PIBF1: variants seen among roughly 807,000 people sequenced by gnomAD.
PIBF1 encodes the protein progesterone immunomodulatory binding factor 1.
PIBF1 carries 90 observed loss-of-function variants against 112.5 expected under a neutral mutation model. The ratio of observed to expected loss-of-function variants is 0.80; its 90% CI spans 0.67 to 0.95. The LOEUF (loss-of-function observed/expected upper bound fraction) is 0.95. Ranked by LOEUF, PIBF1 falls within the 40% of genes least tolerant of loss-of-function variation. PIBF1 has a pLI of 0.00. For synonymous variants in PIBF1, 301 were observed against 288.6 expected, an observed-to-expected ratio of 1.04 and a Z score of -0.44; for missense variants, 915 against 852.3, an observed-to-expected ratio of 1.07 and a Z score of -0.92.
At chr13:72,987,875 T>A (rs1207675184) in intron 16 of PIBF1, among the ~76,000 whole-genome samples, 37 of 122,954 alleles carry the variant, frequency 3.0e-4, no homozygotes, top group Middle Eastern at 4.3e-3. Flanking sequence ...TTTTTTTTTT[T>A]TTTTTTGAGG....
intron 2 of PIBF1, among the ~76,000 whole-genome samples, chr13:72,788,991 A>G (rs1016261440): frequency 2.0e-5 from 3 of 152,196 alleles, no homozygotes; most frequent in Admixed American, 1.3e-4. Context: ...AAGCAGGTCC[A>G]AGAACACTTT....
At chr13:72,854,878 G>C (rs968529428) in intron 10 of PIBF1, among the ~76,000 whole-genome samples, 4 of 151,476 alleles carry the variant, frequency 2.6e-5, no homozygotes, top group South Asian at 2.1e-4. Flanking sequence ...GGATATCAGA[G>C]AGAATGATAT....
At chr13:72,952,035 C>CTTTTTTTTTTTTTTTTTTTTTTT (rs67211238) in intron 14 of PIBF1, among the ~76,000 whole-genome samples, 5 of 123,000 alleles carry the variant, frequency 4.1e-5, no homozygotes, top group Non-Finnish European at 5.1e-5. Flanking sequence ...TTTCTTTTCT[C>CTTTTTTTTTTTTTTTTTTTTTTT]TTTTTTTTTT....
intron 11 of PIBF1, among the ~76,000 whole-genome samples, chr13:72,894,225 G>A (rs2040178745): frequency 6.6e-6 from 1 of 152,024 alleles, no homozygotes; most frequent in Admixed American, 6.6e-5. Flanking sequence ...AGTGCAGAAT[G>A]TATACGAAGA....
At chr13:72,970,195 A>G (rs2042852381) in intron 15 of PIBF1, among the ~76,000 whole-genome samples, 3 of 152,204 alleles carry the variant, frequency 2.0e-5, no homozygotes, top group African/African-American at 7.2e-5. Flanking sequence ...AATATTCACT[A>G]AAATGAAATC....
intron 7 of PIBF1, 96 bp from the exon 8 acceptor site, chr13:72,827,637 G>A: frequency 4.2e-6 from 3 of 719,348 alleles, no homozygotes; most frequent in Non-Finnish European, 6.3e-6. Context: ...ATTTTCATGT[G>A]GTGAATGAAA....
At chr13:72,896,077 A>G (rs2040270811) in intron 11 of PIBF1, among the ~76,000 whole-genome samples, 1 of 152,134 alleles carries the variant, frequency 6.6e-6, no homozygotes, top group South Asian at 2.1e-4. Context: ...CTCCACCAGA[A>G]TAGGTGCTGG....
chr13:72,797,811 ATTTATC>A (rs958550981), intron 4 of PIBF1, 90 bp from the exon 5 acceptor site: 7 of 881,918 alleles, frequency 7.9e-6, no homozygotes, highest in African/African-American at 1.7e-5. Flanking sequence ...TTTTGTAAAT[ATTTATC>A]TTTATTACTG....
chr13:72,996,094 G>T (rs961415426), intron 16 of PIBF1, among the ~76,000 whole-genome samples: 4 of 119,608 alleles, frequency 3.3e-5, no homozygotes, highest in Non-Finnish European at 5.2e-5. Flanking sequence ...AAGCGGGGGG[G>T]GGGGGTCATA....
chr13:72,872,816 G>A lies in PIBF1; in HGVS notation c.1322+18661G>A, dbSNP rs1161095688. ...GTTAGCGCTATACATTTAAAACTTG[G>A]AAATTTTCTAAAATAAACCTTTACA... On this transcript the variant is annotated intron_variant, in intron 10 of 17. Transcript: ENST00000326291. Among the ~76,000 whole-genome samples the A allele has an allele frequency of 2.0e-5, 3 of 151,948 alleles. No homozygotes were observed. The East Asian group carries it at 5.8e-4, about 29-fold the overall frequency.
chr13:72,917,026 T>C, intron 12 of PIBF1, 50 bp from the exon 13 acceptor site: 1 of 1,231,692 alleles, frequency 8.1e-7, no homozygotes. Context: ...GCCATCTTTT[T>C]TAAAGGAAAA....
At chr13:72,823,583 A>C (rs1307015715) in intron 6 of PIBF1, among the ~76,000 whole-genome samples, 1 of 152,172 alleles carries the variant, frequency 6.6e-6, no homozygotes, top group African/African-American at 2.4e-5. Context: ...GCCCCGGGTA[A>C]ATTCTCACAA....
intron 2 of PIBF1, among the ~76,000 whole-genome samples, chr13:72,791,083 C>G (rs2138382509): frequency 6.7e-6 from 1 of 150,210 alleles, no homozygotes; most frequent in Non-Finnish European, 1.5e-5. Context: ...TAGATGGAGT[C>G]TCACTCTGTC....
intron 10 of PIBF1, among the ~76,000 whole-genome samples, chr13:72,865,148 G>C (rs1015241683): frequency 1.3e-5 from 2 of 152,092 alleles, no homozygotes; most frequent in Non-Finnish European, 2.9e-5. Context: ...TTTATGGATA[G>C]AAGATACTTT....
intron 11 of PIBF1, among the ~76,000 whole-genome samples, chr13:72,899,378 A>C (rs1016495846): frequency 6.6e-6 from 1 of 152,238 alleles, no homozygotes; most frequent in Non-Finnish European, 1.5e-5. Context: ...TCCTTAACAA[A>C]ATACTAGCTA....
intron 2 of PIBF1, among the ~76,000 whole-genome samples, chr13:72,786,313 G>A (rs1041034494): frequency 1.3e-5 from 2 of 152,036 alleles, no homozygotes; most frequent in African/African-American, 4.8e-5. Flanking sequence ...AATCATCATT[G>A]ATCCCTGAAA....
intron 16 of PIBF1, among the ~76,000 whole-genome samples, chr13:72,987,858 ATTTTTTT>A (rs55999445): frequency 1.7e-5 from 1 of 58,136 alleles, no homozygotes; most frequent in African/African-American, 9.3e-5. Context: ...TTATTTATTT[ATTTTTTT>A]TTTTTTTTTT....
chr13:72,919,759 G>A (rs1254595631), intron 13 of PIBF1, among the ~76,000 whole-genome samples: 2 of 152,068 alleles, frequency 1.3e-5, no homozygotes, highest in African/African-American at 4.8e-5. Flanking sequence ...CTTGAGTCCA[G>A]GAGTTTGAGA....
chr13:72,788,983 G>T (rs868561096), intron 2 of PIBF1, among the ~76,000 whole-genome samples: 83 of 152,158 alleles, frequency 5.5e-4, no homozygotes, highest in African/African-American at 1.8e-3. Context: ...ACAGGAACAA[G>T]CAGGTCCAAG....
Sources: allele counts gnomAD v4.1 joint callset (sites outside exome capture counted in the v4.1 genomes callset), GRCh38; gene constraint gnomAD v4.1.1; transcripts MANE v1.5; gene names NCBI Gene and HGNC (gene_info 2026-07-23, HGNC 2026-07-21).